UNKL: variants seen among roughly 807,000 people sequenced by gnomAD.
UNKL encodes the protein putative E3 ubiquitin-protein ligase UNKL.
In UNKL, 60 loss-of-function variants were observed where a neutral mutation model predicts 78.0. The observed-to-expected ratio is 0.77, with a 90% CI of 0.63 to 0.95. The LOEUF (loss-of-function observed/expected upper bound fraction) is 0.95, where lower values mean the gene tolerates loss of function less well. UNKL is among the 40% of genes least tolerant of loss of function. The pLI is 0.00. For missense variants in UNKL, 1,159 were observed against 1,045.7 expected (o/e 1.11, Z -1.49); for synonymous variants, 608 against 474.8 (o/e 1.28, Z -3.65).
chr16:1,370,977 G>GGAGGCT (rs2035773357), intron 11 of UNKL, among the ~76,000 whole-genome samples: 1 of 151,090 alleles, frequency 6.6e-6, no homozygotes, highest in Non-Finnish European at 1.5e-5. Flanking sequence ...CAGCTACTCC[G>GGAGGCT]GAGGCTGAGG....
At chr16:1,385,064 A>T in intron 10 of UNKL, 144 bp downstream of exon 10, 1 of 655,350 alleles carries the variant, frequency 1.5e-6, no homozygotes, top group Non-Finnish European at 2.1e-6. Flanking sequence ...AACCAAAGTG[A>T]CAGATGACTG....
intron 5 of UNKL, among the ~76,000 whole-genome samples, chr16:1,397,809 G>C (rs551948223): frequency 4.0e-5 from 6 of 151,590 alleles, no homozygotes; most frequent in African/African-American, 1.5e-4. Flanking sequence ...GCTGGGGCAG[G>C]GCGTGGACCT....
chr16:1,372,823 GGGGCACAC>G (rs1342133680), intron 10 of UNKL, among the ~76,000 whole-genome samples: 2 of 151,620 alleles, frequency 1.3e-5, no homozygotes, highest in African/African-American at 4.8e-5. Flanking sequence ...TCAGCAGCGT[GGGGCACAC>G]CGCACAGGGA....
At chr16:1,370,708 T>A (rs1427439014) in intron 11 of UNKL, among the ~76,000 whole-genome samples, 1 of 152,236 alleles carries the variant, frequency 6.6e-6, no homozygotes, top group African/African-American at 2.4e-5. Flanking sequence ...CCAGGCCCCC[T>A]GAAATGGTTT....
intron 14 of UNKL, 37 bp downstream of exon 14, chr16:1,367,055 C>T: frequency 2.7e-6 from 4 of 1,482,672 alleles, no homozygotes; most frequent in Middle Eastern, 2.0e-4. Context: ...GCCCTGCAGG[C>T]AGGCTGGCCC....
At chr16:1,385,561 G>T (rs918462494) in intron 9 of UNKL, 176 bp from the exon 10 acceptor site, 5 of 543,782 alleles carry the variant, frequency 9.2e-6, no homozygotes, top group Non-Finnish European at 1.4e-5. Flanking sequence ...GAAACACCAG[G>T]ACGGCAGGGC....
chr16:1,412,317 G>A (rs1032220337), intron 2 of UNKL: 1 of 152,220 alleles, frequency 6.6e-6, no homozygotes, highest in African/African-American at 2.4e-5. Context: ...AACTTTAAAA[G>A]TGCTACATAG....
intron 11 of UNKL, 94 bp downstream of exon 11, chr16:1,371,425 C>A: frequency 2.3e-6 from 3 of 1,278,408 alleles, no homozygotes; most frequent in Non-Finnish European, 3.2e-6. Context: ...CTCACTGCAG[C>A]CTTGACCTCC....
rs564742149 is a variant in UNKL at position 1,366,164 on chromosome 16, G to T, written c.*76C>A. The T allele has an allele frequency of 2.4e-5, 34 of 1,398,670 alleles. No homozygotes were observed. Among genetic ancestry groups the T allele is most frequent in the Non-Finnish European group, 3.1e-5 (33 of 1,066,074 alleles). 86.6% of individuals were successfully genotyped at this position (1,398,670 alleles called of 1,614,324 possible). A position where few individuals can be genotyped will look rare whatever the true frequency, so the allele number is the denominator to read the frequency against. ...TCCTCACGTCGGTGGCACCAGAAGC[G>T]AGTGACGACATGTCCGTGGTCAGGA... On this transcript the variant is annotated 3_prime_UTR_variant, in exon 15 of 15. Transcript: ENST00000389221.
Position 1,399,939 on chromosome 16 carries a change from G to A in UNKL, c.599-430C>T, listed in dbSNP as rs1187905975. Among the ~76,000 whole-genome samples, 2 of 83,016 alleles carry A rather than the reference G, an allele frequency of 2.4e-5. No homozygotes were observed. The highest frequency in any genetic ancestry group is 1.5e-4 in the Admixed American group (1 of 6,454). The allele number at this position is 83,016 out of a possible 152,430, so 54.5% of individuals were successfully genotyped here. Reference sequence around the variant, plus strand: ...AAATGCCGCATGGTGAGCCTCATGCGCACCACAGCCTCTGGGTGACAAGCA... The same window carrying A: ...AAATGCCGCATGGTGAGCCTCATGCACACCACAGCCTCTGGGTGACAAGCA... On this transcript the variant is annotated intron_variant, in intron 4 of 14. Transcript: ENST00000389221. This position sits in a 1 kb window ranked among gnomAD's most constrained non-coding sequence, Gnocchi z 5.8.
intron 10 of UNKL, among the ~76,000 whole-genome samples, chr16:1,372,060 T>A (rs576378983): frequency 1.3e-5 from 2 of 150,294 alleles, no homozygotes; most frequent in South Asian, 2.1e-4. Flanking sequence ...ATCGAGACCA[T>A]CCTGGCTAAC....
chr16:1,408,204 G>A (rs1206954573), intron 2 of UNKL, among the ~76,000 whole-genome samples: 1 of 152,162 alleles, frequency 6.6e-6, no homozygotes, highest in Non-Finnish European at 1.5e-5. Context: ...AGAAAAGCAA[G>A]CGCCTGCCCC....
rs2036847680 is a variant in UNKL, at chr16:1,387,109, A to AATGCGGCACCGGGGACCCTCCCAGCC, written c.1087-1725_1087-1724insGGCTGGGAGGGTCCCCGGTGCCGCAT. Among the ~76,000 whole-genome samples, 2 of 133,176 alleles carry AATGCGGCACCGGGGACCCTCCCAGCC rather than the reference A, an allele frequency of 1.5e-5. No individual in the cohort carries two copies. Among genetic ancestry groups the AATGCGGCACCGGGGACCCTCCCAGCC allele is most frequent in the African/African-American group, 2.8e-5 (1 of 35,210 alleles). The allele number at this position is 133,176 out of a possible 152,430, so 87.4% of individuals were successfully genotyped here. On this transcript the variant is annotated intron_variant, in intron 9 of 14. Coordinates refer to ENST00000389221, the MANE Select transcript of UNKL (RefSeq NM_001372107.1). The surrounding 1 kb of genome is among the most constrained non-coding windows in gnomAD (Gnocchi z 4.1). ...ATGCAGCACCGGGGACCCTCCCAGC[A>AATGCGGCACCGGGGACCCTCCCAGCC]ATGCAGCACCGGGGACCCTCCCAGC...
At chr16:1,375,013 C>T (rs2036109349) in intron 10 of UNKL, among the ~76,000 whole-genome samples, 1 of 152,226 alleles carries the variant, frequency 6.6e-6, no homozygotes, top group Non-Finnish European at 1.5e-5. Context: ...CAGGCCTCCG[C>T]TTCTCCTCCC....
intron 10 of UNKL, chr16:1,383,602 C>A (rs896712838): frequency 7.9e-6 from 3 of 379,558 alleles, no homozygotes; most frequent in Admixed American, 3.0e-5. Context: ...TCTCTCTCCT[C>A]GGCCTCCTTG....
At chr16:1,396,829 C>G (rs1337328823) in intron 6 of UNKL, among the ~76,000 whole-genome samples, 1 of 152,158 alleles carries the variant, frequency 6.6e-6, no homozygotes, top group African/African-American at 2.4e-5. Context: ...CGTTATCCAG[C>G]TGCCTCAGCC....
intron 8 of UNKL, among the ~76,000 whole-genome samples, chr16:1,392,290 C>T (rs2037079932): frequency 6.6e-6 from 1 of 152,104 alleles, no homozygotes. Flanking sequence ...GCGTGAATTC[C>T]CTCTGTGAAG....
At chr16:1,406,002 G>T (rs1325749206) in intron 2 of UNKL, 1 of 456,574 alleles carries the variant, frequency 2.2e-6, no homozygotes, top group Non-Finnish European at 4.4e-6. Context: ...GGCCCATGTG[G>T]TCCCCCCAGC....
At chr16:1,369,361 C>A (rs868217473) in intron 12 of UNKL, among the ~76,000 whole-genome samples, 1 of 150,994 alleles carries the variant, frequency 6.6e-6, no homozygotes, top group Non-Finnish European at 1.5e-5. Context: ...GCCACCACGC[C>A]GGGCCTTTTT....
Sources: allele counts gnomAD v4.1 joint callset (sites outside exome capture counted in the v4.1 genomes callset), GRCh38; gene constraint gnomAD v4.1.1; non-coding constraint Gnocchi (gnomAD v3.1); transcripts MANE v1.5; gene names NCBI Gene and HGNC (gene_info 2026-07-23, HGNC 2026-07-21).